FAM53B: variants seen among roughly 807,000 people sequenced by gnomAD.
FAM53B encodes family with sequence similarity 53 member B, also known as protein FAM53B.
FAM53B carries 12 observed loss-of-function variants against 32.7 expected under a neutral mutation model. That is an observed-to-expected ratio of 0.37 (90% CI 0.24 to 0.59). The LOEUF (loss-of-function observed/expected upper bound fraction) is 0.59. Among genes scored for constraint, FAM53B ranks in the 20% least tolerant of loss-of-function variants. FAM53B has a pLI of 0.72. For synonymous variants in FAM53B, 234 were observed against 228.7 expected (o/e 1.02, Z -0.21); for missense variants, 477 against 577.7 (o/e 0.83, Z 1.79).
chr10:124,724,665 G>T (rs1430838700), intron 1 of FAM53B, among the ~76,000 whole-genome samples: 2 of 152,152 alleles, frequency 1.3e-5, no homozygotes, highest in African/African-American at 4.8e-5. Flanking sequence ...CAGCATAAAG[G>T]TAGGAAGCTG....
intron 1 of FAM53B, among the ~76,000 whole-genome samples, chr10:124,723,998 T>C (rs1950086806): frequency 6.6e-6 from 1 of 152,232 alleles, no homozygotes; most frequent in East Asian, 1.9e-4. Flanking sequence ...CGCACTAGGC[T>C]GGCTGTGCTA....
chr10:124,634,879 A>G (rs1314150562), intron 4 of FAM53B, among the ~76,000 whole-genome samples: 1 of 152,194 alleles, frequency 6.6e-6, no homozygotes, highest in Non-Finnish European at 1.5e-5. Flanking sequence ...CTCTGTGAAT[A>G]TATTCAAGAC....
intron 4 of FAM53B, among the ~76,000 whole-genome samples, chr10:124,657,256 A>G (rs1949599122): frequency 1.3e-5 from 2 of 151,442 alleles, no homozygotes; most frequent in African/African-American, 4.8e-5. Context: ...TTCATATTGG[A>G]TAGAGTAAGA....
chr10:124,737,441 G>T lies in FAM53B; in HGVS notation c.-175+6572C>A, dbSNP rs145236446. Among the ~76,000 whole-genome samples, 9 of 152,298 alleles carry T rather than the reference G, an allele frequency of 5.9e-5. No individual in the cohort carries two copies. In the East Asian group the frequency reaches 1.7e-3, roughly 29 times the overall value. On this transcript the variant is annotated intron_variant, in intron 1 of 4. Transcript: ENST00000337318. Reference sequence around the variant, plus strand: ...TTCACTTGGCTAATGAACTCTGTGAGCAATGATCAAGTTCACCTGCTGGTC... The same window carrying T: ...TTCACTTGGCTAATGAACTCTGTGATCAATGATCAAGTTCACCTGCTGGTC...
intron 4 of FAM53B, among the ~76,000 whole-genome samples, chr10:124,655,777 C>T (rs1221762147): frequency 1.3e-5 from 2 of 152,220 alleles, no homozygotes; most frequent in African/African-American, 4.8e-5. Flanking sequence ...CTTCTCTGCT[C>T]GTCGCCTCTG....
chr10:124,728,328 C>T (rs537778254), intron 1 of FAM53B, among the ~76,000 whole-genome samples: 1 of 152,320 alleles, frequency 6.6e-6, no homozygotes, highest in African/African-American at 2.4e-5. Flanking sequence ...CAGCCTGGCC[C>T]CATGGGAGGC....
In FAM53B at chr10:124,673,798, G is replaced by A. The variant is rs76584834; in HGVS notation, c.906+7809C>T. 3.1e-4 allele frequency among the ~76,000 whole-genome samples: 47 copies of A among 152,324 alleles called. No individual in the cohort carries two copies. In the East Asian group the frequency reaches 8.1e-3, roughly 26 times the overall value. Reference sequence around the variant, plus strand: ...GGAGCTTCTGGGACCCCGAGGTACTGGGGCTCTGCCCCAGACCTGCTAATT... The same window carrying A: ...GGAGCTTCTGGGACCCCGAGGTACTAGGGCTCTGCCCCAGACCTGCTAATT... On this transcript the variant is annotated intron_variant, in intron 4 of 4. Coordinates refer to ENST00000337318, the MANE Select transcript of FAM53B (RefSeq NM_014661.4).
At chr10:124,736,019 C>T (rs530740343) in intron 1 of FAM53B, among the ~76,000 whole-genome samples, 1 of 152,256 alleles carries the variant, frequency 6.6e-6, no homozygotes, top group African/African-American at 2.4e-5. Flanking sequence ...CCTGCAGCCA[C>T]AAGAAGCACC....
intron 4 of FAM53B, among the ~76,000 whole-genome samples, chr10:124,662,237 A>G (rs1487506348): frequency 6.6e-6 from 1 of 152,000 alleles, no homozygotes; most frequent in Non-Finnish European, 1.5e-5. Context: ...AACAATACCC[A>G]CTTTCCAGGG....
At chr10:124,659,587 G>T (rs1241359391) in intron 4 of FAM53B, among the ~76,000 whole-genome samples, 1 of 152,220 alleles carries the variant, frequency 6.6e-6, no homozygotes, top group Non-Finnish European at 1.5e-5. Flanking sequence ...ACTTTGAGGT[G>T]GGGCACAGGA....
At chr10:124,720,775 T>C (rs1950064310) in intron 1 of FAM53B, among the ~76,000 whole-genome samples, 1 of 152,146 alleles carries the variant, frequency 6.6e-6, no homozygotes, top group Non-Finnish European at 1.5e-5. Context: ...TCCCCTCCCA[T>C]GGAAGTGAAA....
chr10:124,666,597 ATG>A (rs1949674514), intron 4 of FAM53B, among the ~76,000 whole-genome samples: 1 of 152,172 alleles, frequency 6.6e-6, no homozygotes, highest in South Asian at 2.1e-4. Flanking sequence ...GCACCCCCTG[ATG>A]AGAAGCCCCT....
rs1291242213 is a variant in FAM53B at position 124,623,549 on chromosome 10, C to T, written c.962G>A (p.Gly321Asp). 6.3e-7 allele frequency: 1 copy of T among 1,580,986 alleles called. No homozygotes were observed. Among genetic ancestry groups the T allele is most frequent in the Non-Finnish European group, 8.6e-7 (1 of 1,164,916 alleles). ...GTGGCGGGCGAAGGGGCTCTGGGGA[C>T]CGCAGTCCTCTGTCCCTGCGCTCAG... Reference protein sequence around the residue: ...SCLSAGTEDCGPQSPFARHVS... With the variant: ...SCLSAGTEDCDPQSPFARHVS... The change falls in exon 5 of 5, where the codon GGT becomes GAT. Residue 321 changes from glycine (G) to aspartate (D), a missense_variant. Gly to Asp is a moderately conservative substitution (Grantham distance 94). This residue lies in a region of FAM53B where 165 missense variants were observed against 157.5 expected (regional missense o/e 1.05). Coordinates refer to ENST00000337318, the MANE Select transcript of FAM53B (RefSeq NM_014661.4).
intron 1 of FAM53B, among the ~76,000 whole-genome samples, chr10:124,710,069 C>T (rs940203030): frequency 6.6e-6 from 1 of 152,210 alleles, no homozygotes; most frequent in Admixed American, 6.5e-5. Context: ...GCGTGGCCGC[C>T]GGGTCGGACT....
intron 3 of FAM53B, among the ~76,000 whole-genome samples, chr10:124,694,021 T>G (rs1949851966): frequency 1.3e-5 from 2 of 152,062 alleles, no homozygotes; most frequent in Admixed American, 1.3e-4. Flanking sequence ...TTTCCTGAAT[T>G]AGGGAGGGGC....
At chr10:124,638,592 G>A (rs959585552) in intron 4 of FAM53B, among the ~76,000 whole-genome samples, 3 of 152,158 alleles carry the variant, frequency 2.0e-5, no homozygotes, top group Non-Finnish European at 2.9e-5. Flanking sequence ...AGTGACCCAC[G>A]TTGCCCACGA....
chr10:124,623,483 G>A lies in FAM53B; in HGVS notation c.1028C>T (p.Ser343Phe). The change falls in exon 5 of 5, where the codon TCC (serine) becomes TTC (phenylalanine). Residue 343 changes from serine to phenylalanine, a missense_variant. Physicochemically the swap from Ser to Phe is radical, Grantham distance 155 (BLOSUM62 -2). This residue lies in a region of FAM53B where 165 missense variants were observed against 157.5 expected (regional missense o/e 1.05). Transcript: ENST00000337318. ...AGCGGGGGTCCTGCCCCCTGGGCCG[G>A]AGGCTGAGAGCAGGGCGGTCCAGGC... ...TRAWTALLSASGPGGRTPAGT... is the reference protein window; with the variant it reads ...TRAWTALLSAFGPGGRTPAGT... 1.9e-6 allele frequency: 3 copies of A among 1,587,420 alleles called. No homozygotes were observed. Among genetic ancestry groups the A allele is most frequent in the East Asian group, 2.3e-5 (1 of 43,784 alleles).
rs541492581 is a variant in FAM53B, at chr10:124,720,580, T to C, written c.-174-13693A>G. ...AACAAGTACTGGTCAGAGGTTGACA[T>C]TGAAGCACCAAAACCCAGTTTCCAG... On this transcript the variant is annotated intron_variant, in intron 1 of 4. Coordinates refer to ENST00000337318, the MANE Select transcript of FAM53B (RefSeq NM_014661.4). Among the ~76,000 whole-genome samples, 47 of 152,338 alleles carry C rather than the reference T, an allele frequency of 3.1e-4. 1 individual carries two copies. The highest frequency in any genetic ancestry group is 3.4e-3 in the Middle Eastern group (1 of 294).
chr10:124,740,023 A>G (rs115671286), intron 1 of FAM53B, among the ~76,000 whole-genome samples: 1 of 152,328 alleles, frequency 6.6e-6, no homozygotes, highest in African/African-American at 2.4e-5. Context: ...AAGCTCAAGT[A>G]TCTCCAATCA....
Sources: gnomAD v4.1 joint callset for allele counts (sites outside exome capture counted in the v4.1 genomes callset) on GRCh38, gnomAD v4.1.1 for gene constraint, gnomAD v4.1.1 regional missense constraint, MANE v1.5 for transcripts, NCBI Gene and HGNC (gene_info 2026-07-23, HGNC 2026-07-21) for gene names.